Variants in TTLL5 observed in about 807,000 individuals in gnomAD.
The protein encoded by TTLL5 is tubulin polyglutamylase TTLL5.
TTLL5 carries 132 observed loss-of-function variants against 168.4 expected under a neutral mutation model. The ratio of observed to expected loss-of-function variants is 0.78; its 90% CI spans 0.68 to 0.91. The LOEUF (loss-of-function observed/expected upper bound fraction) is 0.91, where lower values mean the gene tolerates loss of function less well. Among genes scored for constraint, TTLL5 ranks in the 40% least tolerant of loss-of-function variants. The pLI, the probability that TTLL5 is intolerant of heterozygous loss-of-function variation, is 0.00. For missense variants in TTLL5, 1,545 were observed against 1,581.5 expected, an observed-to-expected ratio of 0.98 and a Z score of 0.39; for synonymous variants, 546 against 558.6, an observed-to-expected ratio of 0.98 and a Z score of 0.32.
chr14:75,723,730 A>T (rs1457532280), intron 12 of TTLL5, among the ~76,000 whole-genome samples: 1 of 152,148 alleles, frequency 6.6e-6, no homozygotes, highest in Non-Finnish European at 1.5e-5. Flanking sequence ...TGACTCAGTG[A>T]AATACCCCTT....
chr14:75,954,157 G>A (rs2035042289), intron 31 of TTLL5, among the ~76,000 whole-genome samples: 1 of 150,778 alleles, frequency 6.6e-6, no homozygotes, highest in African/African-American at 2.4e-5. Flanking sequence ...GGAGGCTGAG[G>A]CAGGAGAATG....
chr14:75,692,213 A>G (rs553693745), intron 6 of TTLL5, among the ~76,000 whole-genome samples: 1 of 152,300 alleles, frequency 6.6e-6, no homozygotes, highest in South Asian at 2.1e-4. Flanking sequence ...GTATGTGGAA[A>G]TCACTTGGGA....
chr14:75,751,492 C>G (rs139141522), intron 17 of TTLL5, among the ~76,000 whole-genome samples: 1 of 152,252 alleles, frequency 6.6e-6, no homozygotes, highest in African/African-American at 2.4e-5. Flanking sequence ...AGTGCAGAGA[C>G]GCTGGACAAA....
chr14:75,742,481 C>T (rs764917465), intron 15 of TTLL5, among the ~76,000 whole-genome samples: 4 of 152,132 alleles, frequency 2.6e-5, no homozygotes, highest in Admixed American at 6.5e-5. Context: ...GTGCAACTTC[C>T]GCTTCCAGGG....
intron 24 of TTLL5, among the ~76,000 whole-genome samples, chr14:75,780,169 T>G (rs1891963191): frequency 1.3e-5 from 2 of 152,246 alleles, no homozygotes; most frequent in Non-Finnish European, 2.9e-5. Context: ...TCTTAATATA[T>G]TCTTCTGTCT....
At chr14:75,949,398 AATAT>A (rs896522390) in intron 31 of TTLL5, among the ~76,000 whole-genome samples, 11 of 147,320 alleles carry the variant, frequency 7.5e-5, no homozygotes. Flanking sequence ...TAGGATATAG[AATAT>A]ATATATGGTT....
At chr14:75,749,562 TA>T (rs1889823029) in intron 17 of TTLL5, among the ~76,000 whole-genome samples, 1 of 151,652 alleles carries the variant, frequency 6.6e-6, no homozygotes, top group Non-Finnish European at 1.5e-5. Context: ...GCTGACCCTA[TA>T]GGAGCAGTAG....
chr14:75,751,843 A>G (rs1254170324), intron 17 of TTLL5, among the ~76,000 whole-genome samples: 2 of 152,236 alleles, frequency 1.3e-5, no homozygotes, highest in Non-Finnish European at 2.9e-5. Context: ...AAGCAAGTTT[A>G]TTAACAAAGT....
At chr14:75,722,603 C>G (rs1887911723) in intron 12 of TTLL5, among the ~76,000 whole-genome samples, 1 of 152,058 alleles carries the variant, frequency 6.6e-6, no homozygotes, top group Non-Finnish European at 1.5e-5. Flanking sequence ...CTATTTCTGC[C>G]AAACCAGAGC....
At chr14:75,876,658 CT>C (rs2031502949) in intron 29 of TTLL5, among the ~76,000 whole-genome samples, 1 of 152,210 alleles carries the variant, frequency 6.6e-6, no homozygotes, top group Admixed American at 6.5e-5. Context: ...CTGCCCAGTG[CT>C]TTATAGCAGC....
At chr14:75,752,493 G>A (rs1476838755) in intron 17 of TTLL5, among the ~76,000 whole-genome samples, 1 of 152,202 alleles carries the variant, frequency 6.6e-6, no homozygotes, top group Non-Finnish European at 1.5e-5. Context: ...GATTGAAACA[G>A]TCTCTTATCT....
At position 75,804,481 on chromosome 14, in the gene TTLL5, G is replaced by A. The variant is rs370744483; in HGVS notation, c.3171+11381G>A. Among the ~76,000 whole-genome samples, 72 of 152,302 alleles carry A rather than the reference G, an allele frequency of 4.7e-4. 1 individual carries two copies. In the South Asian group the frequency reaches 0.014, roughly 29 times the overall value. ...GTTCTCTAGGATTGAGGCAGATGGC[G>A]CCCAGTTTATCACAAGCTTCAGCAA... On this transcript the variant is annotated intron_variant, in intron 27 of 31. Transcript: ENST00000298832.
rs1396719723 is a variant in TTLL5, at chr14:75,917,309, A to G, written c.3823+15085A>G. On this transcript the variant is annotated intron_variant, in intron 31 of 31. Transcript: ENST00000298832. ...AGGAAACTAAGGCTGAGAGAAGTTA[A>G]GTAGCTTGTCCAAGCCACACGGTCA... 4.6e-5 allele frequency among the ~76,000 whole-genome samples: 7 copies of G among 152,364 alleles called. No individual in the cohort carries two copies. The East Asian group carries it at 1.2e-3, about 25-fold the overall frequency.
chr14:75,779,852 G>GAATAATGTGTT, intron 24 of TTLL5, 150 bp downstream of exon 24: 2 of 698,038 alleles, frequency 2.9e-6, no homozygotes, highest in South Asian at 3.8e-5. Flanking sequence ...GGAGAATGGG[G>GAATAATGTGTT]GACAGTACTT....
intron 28 of TTLL5, among the ~76,000 whole-genome samples, chr14:75,836,702 GAAAAAT>G (rs926857376): frequency 6.6e-6 from 1 of 151,794 alleles, no homozygotes; most frequent in African/African-American, 2.4e-5. Context: ...GCAAAAAAAT[GAAAAAT>G]AAAAATAAAA....
intron 18 of TTLL5, among the ~76,000 whole-genome samples, chr14:75,762,227 C>T (rs796374724): frequency 2.0e-5 from 3 of 152,120 alleles, no homozygotes; most frequent in African/African-American, 7.2e-5. Context: ...AACCCCATCT[C>T]TACTAAAAAT....
At chr14:75,666,995 T>A (rs1477884587) in intron 2 of TTLL5, among the ~76,000 whole-genome samples, 2 of 152,174 alleles carry the variant, frequency 1.3e-5, no homozygotes, top group Non-Finnish European at 2.9e-5. Flanking sequence ...TCCTAATCAT[T>A]CTGAATTTTT....
chr14:75,809,339 C>A (rs1242562695), intron 27 of TTLL5, among the ~76,000 whole-genome samples: 1 of 152,164 alleles, frequency 6.6e-6, no homozygotes, highest in Non-Finnish European at 1.5e-5. Flanking sequence ...TTGGCCCAAA[C>A]TCCAAATCTA....
chr14:75,909,298 C>T (rs930758842), intron 31 of TTLL5, among the ~76,000 whole-genome samples: 59 of 147,904 alleles, frequency 4.0e-4, no homozygotes, highest in African/African-American at 1.0e-3. Flanking sequence ...CGTCTCAGGG[C>T]CAGGTACCAG....
Sources: gnomAD v4.1 joint callset for allele counts (sites outside exome capture counted in the v4.1 genomes callset) on GRCh38, gnomAD v4.1.1 for gene constraint, MANE v1.5 for transcripts, NCBI Gene and HGNC (gene_info 2026-07-23, HGNC 2026-07-21) for gene names.